HECTD3: variants seen among roughly 807,000 people sequenced by gnomAD.
The protein encoded by HECTD3 is HECT domain E3 ubiquitin protein ligase 3, also known as E3 ubiquitin-protein ligase HECTD3.
Under a neutral mutation model 109.3 loss-of-function variants are expected in HECTD3, and 72 were observed. The ratio of observed to expected loss-of-function variants is 0.66; its 90% confidence interval spans 0.54 to 0.80. The LOEUF is 0.80. HECTD3 is among the 30% of genes least tolerant of loss of function. The pLI is 0.00. For synonymous variants in HECTD3, 481 were observed against 471.8 expected (o/e 1.02, Z -0.25); for missense variants, 1,041 against 1,165.2 (o/e 0.89, Z 1.55).
chr1:45,006,462 C>A lies in HECTD3; in HGVS notation c.1725+230G>T, dbSNP rs1397588942. 1.3e-5 allele frequency among the ~76,000 whole-genome samples: 2 copies of A among 152,120 alleles called. No homozygotes were observed. Among genetic ancestry groups the A allele is most frequent in the South Asian group, 4.2e-4 (2 of 4,818 alleles). On this transcript the variant is annotated intron_variant, in intron 13 of 20. Coordinates refer to ENST00000372172, the MANE Select transcript of HECTD3 (RefSeq NM_024602.6). The surrounding 1 kb of genome is among the most constrained non-coding windows in gnomAD (Gnocchi z 4.7). ...CTGGGACTACAGGCGCGTGCCACCA[C>A]GCCCGGCTAATTTTTTATTTTTATA...
chr1:45,009,529 C>A, intron 5 of HECTD3, 39 bp downstream of exon 5: 1 of 1,604,218 alleles, frequency 6.2e-7, no homozygotes, highest in South Asian at 1.1e-5. Flanking sequence ...CCCACAGGGA[C>A]ATAGCCCACC....
Position 45,007,209 on chromosome 1 carries a change from C to A in HECTD3, c.1556+10G>T, listed in dbSNP as rs1256081125. 3 of 1,610,634 alleles carry A rather than the reference C, an allele frequency of 1.9e-6. No homozygotes were observed. The highest frequency in any genetic ancestry group is 2.7e-5 in the African/African-American group (2 of 74,920). On this transcript the variant is annotated intron_variant, in intron 11 of 20. Transcript: ENST00000372172. Reference sequence around the variant, plus strand: ...GTGTCCCGAGTAAGTCCCTCACTCTCATGCCATACCTGTAGTCCAGGGGCT... The same window carrying A: ...GTGTCCCGAGTAAGTCCCTCACTCTAATGCCATACCTGTAGTCCAGGGGCT...
At position 45,011,247 on chromosome 1, in the gene HECTD3, G is replaced by T; in HGVS notation, c.11C>A (p.Pro4His). Residue 4 changes from proline to histidine, a missense_variant, in exon 1 of 21, where the codon CCT becomes CAT. By Grantham distance (77) the Pro-to-His change is moderately conservative. Around this residue, in one of 2 missense-constraint regions of HECTD3, gnomAD observed 472 missense variants for 449.9 expected, o/e 1.05. Transcript: ENST00000372172. ...GGACTCCAGCACCGCGCCCGGGCCAGGACCCGCCATGGCGAAGTGGCGGAG... is the reference window on the plus strand; with the variant it reads ...GGACTCCAGCACCGCGCCCGGGCCATGACCCGCCATGGCGAAGTGGCGGAG... MAG[P>H]GPGAVLESPR... 7.4e-7 allele frequency: 1 copy of T among 1,360,068 alleles called. No individual in the cohort carries two copies. Among genetic ancestry groups the T allele is most frequent in the Non-Finnish European group, 9.4e-7 (1 of 1,062,856 alleles). The allele number at this position is 1,360,068 out of a possible 1,614,324, so 84.3% of individuals were successfully genotyped here. A position where few individuals can be genotyped will look rare whatever the true frequency, so the allele number is the denominator to read the frequency against.
rs759266704 is a variant in HECTD3, at chr1:45,003,732, G to A, written c.2438C>T (p.Thr813Ile). The change falls in exon 20 of 21, where the codon ACC (threonine) becomes ATC (isoleucine). Residue 813 changes from threonine (T) to isoleucine (I), a missense_variant. Transcript: ENST00000372172. This position sits in a 1 kb window ranked among gnomAD's most constrained non-coding sequence, Gnocchi z 4.7. Reference protein sequence around the residue: ...YIYPDKLGYETTDALPESSTC... With the variant: ...YIYPDKLGYEITDALPESSTC... Reference sequence around the variant, plus strand: ...GGAAGACTCGGGCAGCGCGTCTGTGGTCTCGTAGCTGGGGGCATTGAGGGA... The same window carrying A: ...GGAAGACTCGGGCAGCGCGTCTGTGATCTCGTAGCTGGGGGCATTGAGGGA... 6.2e-7 allele frequency: 1 copy of A among 1,614,084 alleles called. No individual in the cohort carries two copies. The highest frequency in any genetic ancestry group is 1.1e-5 in the South Asian group (1 of 91,084).
At position 45,007,126 on chromosome 1, in the gene HECTD3, TTGTGTGTGTGTG is replaced by T. The variant is rs56343463; in HGVS notation, c.1556+81_1556+92del. On this transcript the variant is annotated intron_variant, in intron 11 of 20. Coordinates refer to ENST00000372172, the MANE Select transcript of HECTD3 (RefSeq NM_024602.6). ...TCATGGCGAGGGGTGCCTCGAGCAG[TTGTGTGTGTGTG>T]TGTGTGTGTGTGTGTGTGTTTGTGT... 7.1e-3 allele frequency: 8,836 copies of T among 1,249,910 alleles called. 45 individuals are homozygous for T. The highest frequency in any genetic ancestry group is 0.013 in the East Asian group (557 of 41,396). The allele number at this position is 1,249,910 out of a possible 1,614,324, so 77.4% of individuals were successfully genotyped here.
At chr1:45,009,053 C>G in intron 7 of HECTD3, 91 bp downstream of exon 7, 1 of 1,097,320 alleles carries the variant, frequency 9.1e-7, no homozygotes, top group Non-Finnish European at 1.4e-6. Context: ...ACCCCAACTC[C>G]AAGCCCATCC....
intron 2 of HECTD3, 99 bp downstream of exon 2, chr1:45,010,447 G>A (rs903311823): frequency 2.0e-6 from 3 of 1,529,406 alleles, no homozygotes; most frequent in Admixed American, 3.6e-5. Context: ...CCCTGCCTCC[G>A]CTCCAGTATC....
At position 45,006,051 on chromosome 1, in the gene HECTD3, C is replaced by T. The variant is rs377078552; in HGVS notation, c.1791G>A (p.Lys597=). 1.3e-5 allele frequency: 21 copies of T among 1,614,208 alleles called. No individual in the cohort carries two copies. The African/African-American group carries it at 1.3e-4, about 10-fold the overall frequency. The part of the protein sequence containing the change: ...VPNPSCRDFA[K]YEWIGQLMGA... ...CCATCAGCTGTCCGATCCATTCATA[C>T]TTGGCAAAGTCTCGGCAGGAGGGGT... Residue 597 remains lysine (K), a synonymous_variant, in exon 14 of 21, where the codon AAG becomes AAA. Coordinates refer to ENST00000372172, the MANE Select transcript of HECTD3 (RefSeq NM_024602.6). This position sits in a 1 kb window ranked among gnomAD's most constrained non-coding sequence, Gnocchi z 4.7.
At chr1:45,004,523 A>C in intron 16 of HECTD3, 77 bp downstream of exon 16, 1 of 1,596,110 alleles carries the variant, frequency 6.3e-7, no homozygotes, top group African/African-American at 1.3e-5. Flanking sequence ...GGTGGCTTAC[A>C]GGCTGTGTTC....
In HECTD3 at chr1:45,010,929, T is replaced by G; in HGVS notation, c.329A>C (p.Glu110Ala). ...RGACVRTTGE[E>A]LCNGHGLWVK... ...CCAGAGCCCGTGGCCATTGCACAGC[T>G]CCTCGCCCGTGGTGCGCACGCAGGC... The change falls in exon 1 of 21, where the codon GAG becomes GCG. Residue 110 changes from glutamate to alanine, a missense_variant. Coordinates refer to ENST00000372172, the MANE Select transcript of HECTD3 (RefSeq NM_024602.6). 1.3e-6 allele frequency: 2 copies of G among 1,547,236 alleles called. No homozygotes were observed. Among genetic ancestry groups the G allele is most frequent in the Non-Finnish European group, 8.6e-7 (1 of 1,158,960 alleles).
chr1:45,010,917 C>G lies in HECTD3; in HGVS notation c.341G>C (p.Gly114Ala). Residue 114 changes from glycine to alanine, a missense_variant, in exon 1 of 21, where the codon GGC (glycine) becomes GCC (alanine). Coordinates refer to ENST00000372172, the MANE Select transcript of HECTD3 (RefSeq NM_024602.6). ...TGTCAGCTTCACCCAGAGCCCGTGG[C>G]CATTGCACAGCTCCTCGCCCGTGGT... ...VRTTGEELCN[G>A]HGLWVKLTKE... 1 of 1,547,398 alleles carries G rather than the reference C, an allele frequency of 6.5e-7. No homozygotes were observed. The highest frequency in any genetic ancestry group is 1.4e-5 in the African/African-American group (1 of 72,446).
rs1486738613 is a variant in HECTD3 at position 45,009,864 on chromosome 1, A to G, written c.759+122T>C. On this transcript the variant is annotated intron_variant, in intron 4 of 20. Coordinates refer to ENST00000372172, the MANE Select transcript of HECTD3 (RefSeq NM_024602.6). ...ATAGACGTCCAAGATGGGGAGCTGA[A>G]CTGAGTGTGGCCTGTGGGGACCCTG... is the stretch of plus-strand genomic sequence containing the variant. The G allele has an allele frequency of 5.4e-6, 7 of 1,284,508 alleles. No homozygotes were observed. The African/African-American group carries it at 1.0e-4, about 19-fold the overall frequency. 79.6% of individuals were successfully genotyped at this position (1,284,508 alleles called of 1,614,324 possible). A position where few individuals can be genotyped will look rare whatever the true frequency, so the allele number is the denominator to read the frequency against.
intron 16 of HECTD3, 83 bp downstream of exon 16, chr1:45,004,517 G>A: frequency 6.3e-7 from 1 of 1,590,306 alleles, no homozygotes. Flanking sequence ...AGTACTGGTG[G>A]CTTACAGGCT....
At chr1:45,010,771 C>T in intron 1 of HECTD3, 65 bp from the exon 2 acceptor site, 1 of 1,515,120 alleles carries the variant, frequency 6.6e-7, no homozygotes, top group Non-Finnish European at 8.8e-7. Context: ...CGTGCCCAGC[C>T]CAGGGCAAAG....
chr1:45,005,969 G>A (rs750949409), intron 14 of HECTD3, 28 bp downstream of exon 14: 20 of 1,611,574 alleles, frequency 1.2e-5, no homozygotes, highest in Admixed American at 5.0e-5. Flanking sequence ...AGGGCTGATC[G>A]GACGGGGGTG....
At chr1:45,004,579 C>G in intron 16 of HECTD3, 21 bp downstream of exon 16, 1 of 1,613,428 alleles carries the variant, frequency 6.2e-7, no homozygotes. Context: ...GCTCTCTGCT[C>G]TACTAGCCTC....
Position 45,004,300 on chromosome 1 carries a change from C to T in HECTD3, c.2220G>A (p.Glu740=). The change falls in exon 17 of 21, where the codon GAG becomes GAA. Residue 740 remains glutamate, a synonymous_variant. Transcript: ENST00000372172. ...VLDLLTWQEL[E]KKVCGDPEVT... ...CCTCTGGATCCCCACACACTTTCTTCTCCAACTCTTGCCAGGTCAGCAAGT... is the reference window on the plus strand; with the variant it reads ...CCTCTGGATCCCCACACACTTTCTTTTCCAACTCTTGCCAGGTCAGCAAGT... 3.1e-6 allele frequency: 5 copies of T among 1,614,058 alleles called. No individual in the cohort carries two copies. Among genetic ancestry groups the T allele is most frequent in the Non-Finnish European group, 4.2e-6 (5 of 1,179,900 alleles).
chr1:45,007,494 T>C lies in HECTD3; in HGVS notation c.1422A>G (p.Leu474=), dbSNP rs200749076. 7.8e-5 allele frequency: 126 copies of C among 1,613,970 alleles called. No homozygotes were observed. Among genetic ancestry groups the C allele is most frequent in the Admixed American group, 3.3e-5 (2 of 59,996 alleles). ...CCATGGCAAGACGGCGGTTGATGTATAGGCGTGGCATGAAGCTGGGCTTGC... is the reference window on the plus strand; with the variant it reads ...CCATGGCAAGACGGCGGTTGATGTACAGGCGTGGCATGAAGCTGGGCTTGC... ...ESSKPSFMPR[L]YINRRLAMEH... Residue 474 remains leucine (L), a synonymous_variant, in exon 10 of 21, where the codon CTA becomes CTG. Coordinates refer to ENST00000372172, the MANE Select transcript of HECTD3 (RefSeq NM_024602.6).
At chr1:45,007,172 G>T in intron 11 of HECTD3, 47 bp downstream of exon 11, 1 of 1,520,386 alleles carries the variant, frequency 6.6e-7, no homozygotes, top group Non-Finnish European at 9.1e-7. Context: ...GTGTGTTTGT[G>T]TGCACAAACA....
Sources: gnomAD v4.1 joint callset for allele counts (sites outside exome capture counted in the v4.1 genomes callset) on GRCh38, gnomAD v4.1.1 for gene constraint, gnomAD v4.1.1 regional missense constraint, Gnocchi (gnomAD v3.1) non-coding constraint, MANE v1.5 for transcripts, NCBI Gene and HGNC (gene_info 2026-07-23, HGNC 2026-07-21) for gene names.